Variants in TAFA4 observed in about 807,000 individuals in gnomAD.
TAFA4 encodes TAFA chemokine like family member 4, also known as chemokine-like protein TAFA-4.
TAFA4 carries 20 observed loss-of-function variants against 21.1 expected under a neutral mutation model. That is an observed-to-expected ratio of 0.95 (90% CI 0.67 to 1.38). TAFA4 has a LOEUF of 1.38. Among genes scored for constraint, TAFA4 ranks in the 40% most tolerant of loss-of-function variants. The pLI is 0.00. For synonymous variants in TAFA4, 71 were observed against 67.4 expected (o/e 1.05, Z -0.26); for missense variants, 211 against 180.9 (o/e 1.17, Z -0.95).
intron 3 of TAFA4, among the ~76,000 whole-genome samples, chr3:68,810,306 G>A (rs1703805261): frequency 6.6e-6 from 1 of 152,126 alleles, no homozygotes; most frequent in Admixed American, 6.5e-5. Context: ...ATCTCACTGG[G>A]GAGTGTCGGA....
chr3:68,876,006 A>G (rs935307729), intron 3 of TAFA4, among the ~76,000 whole-genome samples: 5 of 152,184 alleles, frequency 3.3e-5, no homozygotes, highest in African/African-American at 1.2e-4. Context: ...AATGTGCTCT[A>G]TGACTGACCC....
Position 68,804,445 on chromosome 3 carries a change from A to G in TAFA4, c.131-51427T>C, listed in dbSNP as rs768316993. Among the ~76,000 whole-genome samples, 322 of 152,312 alleles carry G rather than the reference A, an allele frequency of 2.1e-3. 1 individual carries two copies. Among genetic ancestry groups the G allele is most frequent in the Non-Finnish European group, 3.4e-3 (233 of 68,034 alleles). On this transcript the variant is annotated intron_variant, in intron 3 of 5. Coordinates refer to ENST00000295569, the MANE Select transcript of TAFA4 (RefSeq NM_182522.5). ...GACTTTCTTCACAGAATTGGAAAAA[A>G]CTACTTTAAAGTTCATATAGAACCA...
chr3:68,922,661 T>G (rs2090070199), intron 1 of TAFA4, among the ~76,000 whole-genome samples: 1 of 152,240 alleles, frequency 6.6e-6, no homozygotes, highest in Non-Finnish European at 1.5e-5. Context: ...CTGAGTCTTT[T>G]GTAGATGTGA....
chr3:68,925,997 G>A (rs920367210), intron 1 of TAFA4, among the ~76,000 whole-genome samples: 2 of 152,218 alleles, frequency 1.3e-5, no homozygotes, highest in East Asian at 1.9e-4. Flanking sequence ...TTCGGGAGGC[G>A]GAGGCAGCCA....
chr3:68,874,852 G>A (rs2089528052), intron 3 of TAFA4, among the ~76,000 whole-genome samples: 1 of 152,016 alleles, frequency 6.6e-6, no homozygotes, highest in Admixed American at 6.6e-5. Flanking sequence ...TCACAAAGCT[G>A]AACTTGCCAG....
In TAFA4 at chr3:68,741,580, G is replaced by T. The variant is rs150260462; in HGVS notation, c.287-2381C>A. Among the ~76,000 whole-genome samples, 54 of 152,204 alleles carry T rather than the reference G, an allele frequency of 3.5e-4. 1 individual carries two copies. In the East Asian group the frequency reaches 8.5e-3, roughly 24 times the overall value. ...GAGGTCCAGGCAGGCAGATCATGAG[G>T]TCAGGAGATCGAGACCATCCTGGAT... On this transcript the variant is annotated intron_variant, in intron 4 of 5. Transcript: ENST00000295569.
chr3:68,929,373 G>T (rs1337905673), intron 1 of TAFA4, among the ~76,000 whole-genome samples: 1 of 152,192 alleles, frequency 6.6e-6, no homozygotes, highest in African/African-American at 2.4e-5. Flanking sequence ...CGTGAATCTT[G>T]TTTCCTATGG....
chr3:68,734,750 G>A (rs1458595138), intron 5 of TAFA4, among the ~76,000 whole-genome samples: 1 of 152,084 alleles, frequency 6.6e-6, no homozygotes, highest in Non-Finnish European at 1.5e-5. Context: ...CCGTCAAAGA[G>A]TAAATAAAAT....
chr3:68,745,179 G>GAATA (rs1337418963), intron 4 of TAFA4, among the ~76,000 whole-genome samples: 1 of 152,182 alleles, frequency 6.6e-6, no homozygotes, highest in African/African-American at 2.4e-5. Context: ...ACCTGACAGA[G>GAATA]AATAAGGTGA....
chr3:68,851,497 A>G (rs2106909925), intron 3 of TAFA4, among the ~76,000 whole-genome samples: 1 of 152,282 alleles, frequency 6.6e-6, no homozygotes, highest in African/African-American at 2.4e-5. Flanking sequence ...AATAATAAAC[A>G]TAAATTCAAA....
intron 3 of TAFA4, among the ~76,000 whole-genome samples, chr3:68,845,387 T>G (rs1704761801): frequency 6.6e-6 from 1 of 152,168 alleles, no homozygotes. Flanking sequence ...TTCCTTTATT[T>G]TGAGCCTATT....
chr3:68,877,119 G>T (rs1316201853), intron 3 of TAFA4, among the ~76,000 whole-genome samples: 1 of 152,216 alleles, frequency 6.6e-6, no homozygotes, highest in Admixed American at 6.5e-5. Context: ...AGCACTTTGG[G>T]AGGCCGAGGT....
At chr3:68,835,307 C>T (rs565381682) in intron 3 of TAFA4, among the ~76,000 whole-genome samples, 1 of 152,264 alleles carries the variant, frequency 6.6e-6, no homozygotes, top group Non-Finnish European at 1.5e-5. Context: ...TTACTTTTTT[C>T]TCTTTGTTCA....
chr3:68,838,170 A>G (rs1190405926), intron 3 of TAFA4, among the ~76,000 whole-genome samples: 1 of 152,170 alleles, frequency 6.6e-6, no homozygotes, highest in East Asian at 1.9e-4. Context: ...AGTAACAGCA[A>G]AAAACCCAAT....
chr3:68,922,959 C>T lies in TAFA4; in HGVS notation c.-123+9281G>A, dbSNP rs190711617. Among the ~76,000 whole-genome samples the T allele has an allele frequency of 1.2e-3, 185 of 152,220 alleles. 1 individual carries two copies. The highest frequency in any genetic ancestry group is 2.5e-3 in the Admixed American group (38 of 15,294). On this transcript the variant is annotated intron_variant, in intron 1 of 5. Transcript: ENST00000295569. ...GCAGAGCTTACTGGCACTGTCTGCT[C>T]CCCCAACTCACCCATGAGGAACATG...
At chr3:68,818,287 G>A (rs1704032454) in intron 3 of TAFA4, among the ~76,000 whole-genome samples, 1 of 152,162 alleles carries the variant, frequency 6.6e-6, no homozygotes, top group Non-Finnish European at 1.5e-5. Flanking sequence ...AGAGTTAGGG[G>A]TTTGCTTTGG....
At chr3:68,803,891 A>G (rs1703629394) in intron 3 of TAFA4, among the ~76,000 whole-genome samples, 1 of 124,572 alleles carries the variant, frequency 8.0e-6, no homozygotes, top group South Asian at 2.8e-4. Flanking sequence ...GGCAACCTCC[A>G]CCTCCCAGGT....
intron 3 of TAFA4, among the ~76,000 whole-genome samples, chr3:68,840,234 G>A (rs930311491): frequency 6.6e-6 from 1 of 152,158 alleles, no homozygotes; most frequent in African/African-American, 2.4e-5. Context: ...TTATGACAAG[G>A]TCTCACATTG....
chr3:68,747,107 C>A (rs1200651791), intron 4 of TAFA4, among the ~76,000 whole-genome samples: 1 of 152,180 alleles, frequency 6.6e-6, no homozygotes, highest in Non-Finnish European at 1.5e-5. Flanking sequence ...GTTCATCAGA[C>A]CTGCTCAAAG....
Sources: allele counts gnomAD v4.1 joint callset (sites outside exome capture counted in the v4.1 genomes callset), GRCh38; gene constraint gnomAD v4.1.1; transcripts MANE v1.5; gene names NCBI Gene and HGNC (gene_info 2026-07-23, HGNC 2026-07-21).